Variants in MIGA2 observed in about 807,000 individuals in gnomAD.
MIGA2 encodes mitoguardin 2, also known as family with sequence similarity 73, member B.
Under a neutral mutation model 69.9 loss-of-function variants are expected in MIGA2, and 36 were observed. The ratio of observed to expected loss-of-function variants is 0.52; its 90% CI spans 0.39 to 0.68. MIGA2 has a LOEUF of 0.68. MIGA2 is among the 30% of genes least tolerant of loss of function. The pLI is 0.00. For missense variants in MIGA2, 660 were observed against 787.7 expected (o/e 0.84, Z 1.94); for synonymous variants, 333 against 349.2 (o/e 0.95, Z 0.52).
intron 6 of MIGA2, among the ~76,000 whole-genome samples, chr9:129,053,228 G>C (rs1845635496): frequency 6.6e-6 from 1 of 152,130 alleles, no homozygotes; most frequent in African/African-American, 2.4e-5. Flanking sequence ...CATAGTAGGT[G>C]CTCAGTTAAT....
chr9:129,051,927 G>A (rs964286507), intron 6 of MIGA2, among the ~76,000 whole-genome samples: 19 of 151,878 alleles, frequency 1.3e-4, no homozygotes, highest in African/African-American at 4.6e-4. Flanking sequence ...CTGGGTTCAC[G>A]CCACTCTCCT....
chr9:129,042,950 C>A (rs1247991629), intron 3 of MIGA2, among the ~76,000 whole-genome samples: 1 of 152,136 alleles, frequency 6.6e-6, no homozygotes, highest in African/African-American at 2.4e-5. Flanking sequence ...ATCCCAGCTC[C>A]TTGGGAAGCC....
At chr9:129,053,640 T>C (rs1845660476) in intron 6 of MIGA2, among the ~76,000 whole-genome samples, 1 of 152,168 alleles carries the variant, frequency 6.6e-6, no homozygotes, top group Non-Finnish European at 1.5e-5. Context: ...GTGCTGAGAT[T>C]ACAGGCATGA....
At chr9:129,037,236 G>T (rs1337776760) in intron 1 of MIGA2, among the ~76,000 whole-genome samples, 2 of 152,156 alleles carry the variant, frequency 1.3e-5, no homozygotes, top group African/African-American at 2.4e-5. Flanking sequence ...TTGGGGTCCA[G>T]ACGGAATGAG....
chr9:129,067,799 C>A lies in MIGA2; in HGVS notation c.1197C>A (p.Tyr399Ter). 1 of 1,612,954 alleles carries A rather than the reference C, an allele frequency of 6.2e-7. No individual in the cohort carries two copies. Among genetic ancestry groups the A allele is most frequent in the Non-Finnish European group, 8.5e-7 (1 of 1,179,706 alleles). ...EKSPKGFLESYEEMLSYALRP... is the reference protein window; with the variant it reads ...EKSPKGFLES ...GCCCCAAAGGCTTCCTGGAGAGCTACGAGGAGATGCTGAGCTATGCCCTGC... is the reference window on the plus strand; with the variant it reads ...GCCCCAAAGGCTTCCTGGAGAGCTAAGAGGAGATGCTGAGCTATGCCCTGC... The change falls in exon 12 of 16, where the codon TAC (tyrosine) becomes TAA (stop). Residue 399 changes from tyrosine to a stop codon, truncating the protein, a stop_gained. Coordinates refer to ENST00000684074, the MANE Select transcript of MIGA2 (RefSeq NM_001329990.2). LOFTEE classifies it high-confidence loss of function.
chr9:129,047,793 G>T (rs909884113), intron 3 of MIGA2, among the ~76,000 whole-genome samples: 1 of 151,846 alleles, frequency 6.6e-6, no homozygotes, highest in African/African-American at 2.4e-5. Context: ...GAAGTATTGC[G>T]ATCATGGCTT....
chr9:129,060,696 C>T lies in MIGA2; in HGVS notation c.894+46C>T. 2 of 1,482,666 alleles carry T rather than the reference C, an allele frequency of 1.3e-6. No individual in the cohort carries two copies. Among genetic ancestry groups the T allele is most frequent in the Admixed American group, 2.0e-5 (1 of 50,542 alleles). 91.8% of individuals were successfully genotyped at this position (1,482,666 alleles called of 1,614,324 possible). A position where few individuals can be genotyped will look rare whatever the true frequency, so the allele number is the denominator to read the frequency against. ...AGCCTGGGGTGGGGTGAAGGCTGGG[C>T]CTCCTCTGCAGGTCCATGGGGCCAG... On this transcript the variant is annotated intron_variant, in intron 8 of 15. Transcript: ENST00000684074. This position sits in a 1 kb window ranked among gnomAD's most constrained non-coding sequence, Gnocchi z 4.8.
At chr9:129,047,584 T>C (rs1014372242) in intron 3 of MIGA2, among the ~76,000 whole-genome samples, 6 of 151,932 alleles carry the variant, frequency 3.9e-5, no homozygotes, top group African/African-American at 1.5e-4. Context: ...GGCTAATTTG[T>C]GTATTTTTAT....
Position 129,061,147 on chromosome 9 carries a change from G to T in MIGA2, c.895-84G>T. The T allele has an allele frequency of 8.2e-7, 1 of 1,214,668 alleles. No individual in the cohort carries two copies. The highest frequency in any genetic ancestry group is 1.3e-5 in the South Asian group (1 of 77,454). 75.2% of individuals were successfully genotyped at this position (1,214,668 alleles called of 1,614,324 possible). A position where few individuals can be genotyped will look rare whatever the true frequency, so the allele number is the denominator to read the frequency against. Reference sequence around the variant, plus strand: ...GCAGGCACCTGGGGTGGCCGCTGTGGCCGACCAATGGGCAGGTGCCCTTGC... The same window carrying T: ...GCAGGCACCTGGGGTGGCCGCTGTGTCCGACCAATGGGCAGGTGCCCTTGC... On this transcript the variant is annotated intron_variant, in intron 8 of 15. Transcript: ENST00000684074. The surrounding 1 kb of genome is among the most constrained non-coding windows in gnomAD (Gnocchi z 5.0).
At chr9:129,048,685 G>C (rs959005824) in intron 4 of MIGA2, 146 bp downstream of exon 4, 3 of 654,136 alleles carry the variant, frequency 4.6e-6, no homozygotes, top group Non-Finnish European at 5.3e-6. Flanking sequence ...TTCAGGGATT[G>C]TCCCTAATCA....
chr9:129,044,243 T>G (rs1246643016), intron 3 of MIGA2, among the ~76,000 whole-genome samples: 1 of 150,374 alleles, frequency 6.7e-6, no homozygotes. Flanking sequence ...CCACCCGCCT[T>G]GGCCTCCCAA....
At chr9:129,051,574 CTTAT>C (rs935748174) in intron 6 of MIGA2, among the ~76,000 whole-genome samples, 12 of 150,320 alleles carry the variant, frequency 8.0e-5, no homozygotes, top group Admixed American at 1.3e-4. Flanking sequence ...CCGTGCCTGG[CTTAT>C]TTATTTATTT....
At chr9:129,053,417 G>A (rs922630754) in intron 6 of MIGA2, among the ~76,000 whole-genome samples, 2 of 150,954 alleles carry the variant, frequency 1.3e-5, no homozygotes, top group African/African-American at 4.9e-5. Flanking sequence ...AGGCTGGAGT[G>A]CAGTGGCGCA....
At position 129,049,046 on chromosome 9, in the gene MIGA2, C is replaced by T. The variant is rs1845382686; in HGVS notation, c.421-335C>T. 2.0e-5 allele frequency among the ~76,000 whole-genome samples: 3 copies of T among 152,166 alleles called. No individual in the cohort carries two copies. The East Asian group carries it at 5.8e-4, about 29-fold the overall frequency. Reference sequence around the variant, plus strand: ...AGGACCCTGGCACAGAATGGGTACTCTCTGTCTTCTTGTTCAAGGGGTAGA... The same window carrying T: ...AGGACCCTGGCACAGAATGGGTACTTTCTGTCTTCTTGTTCAAGGGGTAGA... On this transcript the variant is annotated intron_variant, in intron 4 of 15. Coordinates refer to ENST00000684074, the MANE Select transcript of MIGA2 (RefSeq NM_001329990.2).
In MIGA2 at chr9:129,049,883, C is replaced by G. The variant is rs771915616; in HGVS notation, c.595C>G (p.Gln199Glu). The G allele has an allele frequency of 6.2e-7, 1 of 1,613,966 alleles. No individual in the cohort carries two copies. ...GTGGGAGCAGGCACTAAGCGTGGGCCAGCGGGGGGACAGCGGCAGCACCCC... is the reference window on the plus strand; with the variant it reads ...GTGGGAGCAGGCACTAAGCGTGGGCGAGCGGGGGGACAGCGGCAGCACCCC... ...QKWEQALSVG[Q>E]RGDSGSTPMP... Residue 199 changes from glutamine to glutamate, a missense_variant, in exon 6 of 16, where the codon CAG becomes GAG. Physicochemically the swap from Gln to Glu is conservative, Grantham distance 29 (BLOSUM62 2). Coordinates refer to ENST00000684074, the MANE Select transcript of MIGA2 (RefSeq NM_001329990.2).
At chr9:129,042,852 T>C (rs1000019761) in intron 3 of MIGA2, among the ~76,000 whole-genome samples, 6 of 152,092 alleles carry the variant, frequency 3.9e-5, no homozygotes, top group Non-Finnish European at 8.8e-5. Flanking sequence ...GGAAGAGCCA[T>C]GTGGTTCTTG....
In MIGA2 at chr9:129,064,009, A is replaced by C. The variant is rs150533573; in HGVS notation, c.1170+378A>C. Among the ~76,000 whole-genome samples, 183 of 152,120 alleles carry C rather than the reference A, an allele frequency of 1.2e-3. 4 individuals are homozygous for C. In the East Asian group the frequency reaches 0.021, roughly 17 times the overall value. The stretch of plus-strand genomic sequence containing the variant: ...GACAACACTATATAATCTTCCTTCT[A>C]CTGCTCTCTTGTGAGGTTTTCTGTG... On this transcript the variant is annotated intron_variant, in intron 11 of 15. Coordinates refer to ENST00000684074, the MANE Select transcript of MIGA2 (RefSeq NM_001329990.2).
At chr9:129,052,766 T>C (rs1237479425) in intron 6 of MIGA2, among the ~76,000 whole-genome samples, 1 of 152,040 alleles carries the variant, frequency 6.6e-6, no homozygotes, top group East Asian at 1.9e-4. Flanking sequence ...GGTAACAAGT[T>C]GAAGGTGTCC....
intron 1 of MIGA2, among the ~76,000 whole-genome samples, chr9:129,040,077 AG>A (rs1484223975): frequency 2.0e-5 from 3 of 152,226 alleles, no homozygotes; most frequent in Admixed American, 6.5e-5. Flanking sequence ...GGAGGTAAAA[AG>A]ATGCAATGAT....
Sources: gnomAD v4.1 joint callset for allele counts (sites outside exome capture counted in the v4.1 genomes callset) on GRCh38, gnomAD v4.1.1 for gene constraint, Gnocchi (gnomAD v3.1) non-coding constraint, MANE v1.5 for transcripts, NCBI Gene and HGNC (gene_info 2026-07-23, HGNC 2026-07-21) for gene names.